The following DLC1 variants were observed in gnomAD, a reference collection of about 807,000 sequenced individuals.
DLC1 encodes the protein DLC1 Rho GTPase activating protein.
Under a neutral mutation model 140.3 loss-of-function variants are expected in DLC1, and 54 were observed. That is an observed-to-expected ratio of 0.38 (90% CI 0.31 to 0.48). DLC1 has a LOEUF of 0.48. Among genes scored for constraint, DLC1 ranks in the 20% least tolerant of loss-of-function variants. The probability of loss-of-function intolerance (pLI) is 0.96; values close to 1 mark genes in which losing one functional copy is unlikely to be tolerated. For synonymous variants in DLC1, 986 were observed against 728.1 expected (o/e 1.35, Z -5.70); for missense variants, 2,536 against 1,907.0 (o/e 1.33, Z -6.14).
chr8:13,464,303 G>C (rs766507143), intron 2 of DLC1, among the ~76,000 whole-genome samples: 1 of 152,154 alleles, frequency 6.6e-6, no homozygotes, highest in Non-Finnish European at 1.5e-5. Flanking sequence ...CTGACTGAAT[G>C]CATTCATGTA....
chr8:13,571,750 T>A (rs560655816), intron 1 of DLC1, among the ~76,000 whole-genome samples: 2 of 152,228 alleles, frequency 1.3e-5, no homozygotes, highest in Non-Finnish European at 2.9e-5. Flanking sequence ...GATCACGTGG[T>A]AATTCTATGT....
chr8:13,286,106 A>G (rs1178662597), intron 5 of DLC1, among the ~76,000 whole-genome samples: 3 of 152,252 alleles, frequency 2.0e-5, no homozygotes, highest in East Asian at 3.8e-4. Context: ...AAATCAATGG[A>G]TTTATGAATA....
chr8:13,537,034 A>C (rs910854523), intron 1 of DLC1, among the ~76,000 whole-genome samples: 1 of 152,166 alleles, frequency 6.6e-6, no homozygotes, highest in African/African-American at 2.4e-5. Context: ...ATCTATAAAA[A>C]CTGGGATTGA....
At chr8:13,338,721 A>C (rs1195233559) in intron 4 of DLC1, 1 of 152,140 alleles carries the variant, frequency 6.6e-6, no homozygotes, top group Non-Finnish European at 1.5e-5. Flanking sequence ...CCTCATCCCA[A>C]AAACCAGTGG....
chr8:13,259,947 A>G (rs1002186026), intron 5 of DLC1, among the ~76,000 whole-genome samples: 1 of 152,216 alleles, frequency 6.6e-6, no homozygotes, highest in Non-Finnish European at 1.5e-5. Flanking sequence ...TGAAATGGAC[A>G]TCAGTAAAGG....
intron 5 of DLC1, among the ~76,000 whole-genome samples, chr8:13,205,516 G>A (rs1323409467): frequency 6.6e-6 from 1 of 152,092 alleles, no homozygotes; most frequent in East Asian, 1.9e-4. Flanking sequence ...AGGGCGGGGG[G>A]CCCAAACTTT....
chr8:13,376,020 G>T (rs931982118), intron 4 of DLC1, among the ~76,000 whole-genome samples: 11 of 152,142 alleles, frequency 7.2e-5, no homozygotes, highest in African/African-American at 2.7e-4. Flanking sequence ...GAACCGAAAA[G>T]AGTTTAAATC....
At chr8:13,511,430 T>C (rs1414952156) in intron 1 of DLC1, among the ~76,000 whole-genome samples, 1 of 152,190 alleles carries the variant, frequency 6.6e-6, no homozygotes, top group Non-Finnish European at 1.5e-5. Context: ...CTCAAGGTCC[T>C]AGTTTATTCA....
At chr8:13,554,137 A>C (rs1436930889) in intron 1 of DLC1, among the ~76,000 whole-genome samples, 2 of 151,610 alleles carry the variant, frequency 1.3e-5, no homozygotes, top group African/African-American at 2.4e-5. Context: ...CACAATCTCC[A>C]CTCACTGCAA....
intron 2 of DLC1, among the ~76,000 whole-genome samples, chr8:13,431,443 A>C (rs1838859642): frequency 7.8e-6 from 1 of 127,856 alleles, no homozygotes; most frequent in Non-Finnish European, 1.6e-5. Flanking sequence ...AGATCACGCC[A>C]CTGCACTCCA....
chr8:13,529,528 T>C (rs1419186268), intron 1 of DLC1, among the ~76,000 whole-genome samples: 1 of 152,180 alleles, frequency 6.6e-6, no homozygotes, highest in Non-Finnish European at 1.5e-5. Context: ...ACTTAATTCG[T>C]ACCTCTATTC....
intron 5 of DLC1, among the ~76,000 whole-genome samples, chr8:13,158,881 C>T (rs951332348): frequency 3.9e-5 from 6 of 152,074 alleles, no homozygotes; most frequent in Non-Finnish European, 5.9e-5. Flanking sequence ...TCCCCTGGTA[C>T]ACCCAACAGA....
intron 1 of DLC1, among the ~76,000 whole-genome samples, chr8:13,581,506 A>G (rs1444766597): frequency 6.6e-6 from 1 of 152,192 alleles, no homozygotes; most frequent in East Asian, 1.9e-4. Flanking sequence ...ACTATGTCCA[A>G]TCCAACAGCT....
At chr8:13,399,317 G>C (rs955578463) in intron 3 of DLC1, among the ~76,000 whole-genome samples, 21 of 152,150 alleles carry the variant, frequency 1.4e-4, no homozygotes, top group African/African-American at 4.6e-4. Context: ...TTCTAATGTA[G>C]CAGAATGAGC....
intron 2 of DLC1, among the ~76,000 whole-genome samples, chr8:13,408,674 T>A (rs1250975123): frequency 6.6e-6 from 1 of 152,168 alleles, no homozygotes; most frequent in Non-Finnish European, 1.5e-5. Context: ...AGTGCTAAAA[T>A]TAAAGATTGG....
chr8:13,241,909 A>C (rs143543586), intron 5 of DLC1, among the ~76,000 whole-genome samples: 2 of 152,012 alleles, frequency 1.3e-5, no homozygotes, highest in East Asian at 3.9e-4. Context: ...GAGGGGGCAA[A>C]ACTCAGATCT....
At chr8:13,440,832 GA>G (rs1342099427) in intron 2 of DLC1, among the ~76,000 whole-genome samples, 1 of 152,122 alleles carries the variant, frequency 6.6e-6, no homozygotes, top group African/African-American at 2.4e-5. Context: ...TGCCACGTAA[GA>G]AGTGCCTTTT....
At chr8:13,159,707 CAA>C (rs1376968856) in intron 5 of DLC1, among the ~76,000 whole-genome samples, 2 of 152,112 alleles carry the variant, frequency 1.3e-5, no homozygotes, top group African/African-American at 4.8e-5. Context: ...GCATCCAGGG[CAA>C]AGTCTGTCTC....
At chr8:13,353,817 A>G (rs549628279) in intron 4 of DLC1, among the ~76,000 whole-genome samples, 2 of 151,998 alleles carry the variant, frequency 1.3e-5, no homozygotes, top group Non-Finnish European at 2.9e-5. Flanking sequence ...AGATTGTGCC[A>G]CTGCACTCCA....
Sources: allele counts gnomAD v4.1 joint callset (sites outside exome capture counted in the v4.1 genomes callset), GRCh38; gene constraint gnomAD v4.1.1; transcripts MANE v1.5; gene names NCBI Gene and HGNC (gene_info 2026-07-23, HGNC 2026-07-21).